CLIC6: variants seen among roughly 807,000 people sequenced by gnomAD.
The protein encoded by CLIC6 is CLIC family member 6.
CLIC6 carries 39 observed loss-of-function variants against 49.2 expected under a neutral mutation model. The ratio of observed to expected loss-of-function variants is 0.79; its 90% CI spans 0.61 to 1.04. The LOEUF (loss-of-function observed/expected upper bound fraction) is 1.04, where lower values mean the gene tolerates loss of function less well. Among genes scored for constraint, CLIC6 ranks in the 50% least tolerant of loss-of-function variants. The pLI is 0.00. For synonymous variants in CLIC6, 446 were observed against 433.4 expected (o/e 1.03, Z -0.36); for missense variants, 988 against 993.1 (o/e 0.99, Z 0.07).
In CLIC6 at chr21:34,716,398, T is replaced by G. The variant is rs1384131891; in HGVS notation, c.1977T>G (p.Tyr659Ter). The G allele has an allele frequency of 6.2e-7, 1 of 1,613,782 alleles. No individual in the cohort carries two copies. Among genetic ancestry groups the G allele is most frequent in the Non-Finnish European group, 8.5e-7 (1 of 1,179,766 alleles). The change falls in exon 6 of 6, where the codon TAT becomes TAG. Residue 659 changes from tyrosine (Y) to a stop codon, truncating the protein, a stop_gained. Transcript: ENST00000349499. LOFTEE classifies it high-confidence loss of function. ...TGIWRYLNNA[Y>*]ARDEFTNTCP... ...TCTGGAGATACTTGAATAATGCTTA[T>G]GCTAGAGATGAGTTCACAAATACGT... is the stretch of plus-strand genomic sequence containing the variant.
chr21:34,678,457 G>C (rs531627229), intron 1 of CLIC6, among the ~76,000 whole-genome samples: 1 of 151,548 alleles, frequency 6.6e-6, no homozygotes, highest in African/African-American at 2.4e-5. Flanking sequence ...AAAGTTTACC[G>C]ATTCCTAGCT....
At chr21:34,704,954 T>A (rs1442104359) in intron 1 of CLIC6, among the ~76,000 whole-genome samples, 1 of 152,134 alleles carries the variant, frequency 6.6e-6, no homozygotes, top group African/African-American at 2.4e-5. Flanking sequence ...CTAGGGGTGC[T>A]TGAACAAGAT....
At chr21:34,683,607 G>A (rs1433503999) in intron 1 of CLIC6, among the ~76,000 whole-genome samples, 4 of 152,190 alleles carry the variant, frequency 2.6e-5, no homozygotes, top group Admixed American at 2.6e-4. Context: ...GAGGGATGTG[G>A]TGGGAAGTGA....
At chr21:34,683,525 G>A (rs1417278272) in intron 1 of CLIC6, among the ~76,000 whole-genome samples, 2 of 152,148 alleles carry the variant, frequency 1.3e-5, no homozygotes, top group Admixed American at 6.5e-5. Flanking sequence ...TTACGGAGTG[G>A]GAGGGTGATA....
At chr21:34,705,953 C>G (rs1195168321) in intron 1 of CLIC6, 1 of 606,904 alleles carries the variant, frequency 1.6e-6, no homozygotes, top group Non-Finnish European at 3.0e-6. Context: ...AGGCCCCATG[C>G]AGCAGGACCC....
At chr21:34,674,448 T>C (rs1989625657) in intron 1 of CLIC6, among the ~76,000 whole-genome samples, 1 of 152,356 alleles carries the variant, frequency 6.6e-6, no homozygotes. Flanking sequence ...CAGAAAGTCA[T>C]GGCTAACTAT....
At chr21:34,712,626 C>T (rs529764963) in intron 5 of CLIC6, among the ~76,000 whole-genome samples, 15 of 152,204 alleles carry the variant, frequency 9.9e-5, no homozygotes, top group East Asian at 1.9e-4. Flanking sequence ...CACACAGAGA[C>T]GCCATCTTTC....
chr21:34,713,734 A>T (rs2056070742), intron 5 of CLIC6, among the ~76,000 whole-genome samples: 1 of 152,236 alleles, frequency 6.6e-6, no homozygotes, highest in Non-Finnish European at 1.5e-5. Flanking sequence ...GAACTAAAGG[A>T]TGACCTGAAT....
chr21:34,701,082 C>T (rs1331049840), intron 1 of CLIC6, among the ~76,000 whole-genome samples: 1 of 139,640 alleles, frequency 7.2e-6, no homozygotes, highest in Non-Finnish European at 1.6e-5. Context: ...GCGGGTGGAT[C>T]ATGAGGTCAG....
rs113310029 is a variant in CLIC6 at position 34,713,338 on chromosome 21, CA to C, written c.1900-2978del. Among the ~76,000 whole-genome samples, 5 of 152,024 alleles carry C rather than the reference CA, an allele frequency of 3.3e-5. 1 individual carries two copies. The highest frequency in any genetic ancestry group is 9.7e-5 in the African/African-American group (4 of 41,434). ...TCTCAAAGACAAGACACAAGATGTT[CA>C]AAAATATATTATCACAAAGGGGATG... On this transcript the variant is annotated intron_variant, in intron 5 of 5. Coordinates refer to ENST00000349499, the MANE Select transcript of CLIC6 (RefSeq NM_053277.3).
chr21:34,678,314 T>C (rs926950972), intron 1 of CLIC6, among the ~76,000 whole-genome samples: 41 of 150,320 alleles, frequency 2.7e-4, no homozygotes, highest in African/African-American at 9.5e-4. Flanking sequence ...TGGTGGCGTG[T>C]GCCTGTAGTC....
intron 3 of CLIC6, 81 bp from the exon 4 acceptor site, chr21:34,708,619 A>G: frequency 3.2e-6 from 3 of 933,138 alleles, no homozygotes; most frequent in Non-Finnish European, 3.4e-6. Context: ...TGCCCAGAGA[A>G]AGCTGTTTTT....
chr21:34,686,233 C>T (rs2145804369), intron 1 of CLIC6, among the ~76,000 whole-genome samples: 1 of 152,282 alleles, frequency 6.6e-6, no homozygotes, highest in African/African-American at 2.4e-5. Context: ...GAAACCCTGT[C>T]TCTACTAAAA....
chr21:34,684,086 C>CTTTT (rs71950500), intron 1 of CLIC6, among the ~76,000 whole-genome samples: 16 of 142,924 alleles, frequency 1.1e-4, no homozygotes, highest in African/African-American at 4.1e-4. Flanking sequence ...GTAAACGCTG[C>CTTTT]TTTTTTTTTT....
chr21:34,682,228 C>T (rs1465808615), intron 1 of CLIC6, among the ~76,000 whole-genome samples: 1 of 152,162 alleles, frequency 6.6e-6, no homozygotes, highest in Non-Finnish European at 1.5e-5. Context: ...ATAACCATTA[C>T]CAAATTTCCT....
chr21:34,685,770 A>G (rs1349125610), intron 1 of CLIC6, among the ~76,000 whole-genome samples: 2 of 152,232 alleles, frequency 1.3e-5, no homozygotes, highest in Non-Finnish European at 2.9e-5. Flanking sequence ...GCTTTGAATC[A>G]TAAATAACAG....
At chr21:34,678,298 C>T (rs972519356) in intron 1 of CLIC6, among the ~76,000 whole-genome samples, 6 of 151,142 alleles carry the variant, frequency 4.0e-5, no homozygotes, top group Admixed American at 3.3e-4. Flanking sequence ...AAAAGTCACC[C>T]GGGCGTGGTG....
At chr21:34,689,877 T>TC (rs1187250492) in intron 1 of CLIC6, among the ~76,000 whole-genome samples, 2 of 152,230 alleles carry the variant, frequency 1.3e-5, no homozygotes, top group Non-Finnish European at 2.9e-5. Context: ...CATTTTTGAT[T>TC]CACCCCAACA....
In CLIC6 at chr21:34,669,679, A is replaced by G. The variant is rs7280973; in HGVS notation, c.291A>G (p.Gln97=). The G allele has an allele frequency of 1, 1,349,286 of 1,349,294 alleles. 674,639 individuals are homozygous for G. The highest frequency in any genetic ancestry group is 1 in the Middle Eastern group (3,586 of 3,586). The allele number at this position is 1,349,294 out of a possible 1,614,324, so 83.6% of individuals were successfully genotyped here. The change falls in exon 1 of 6, where the codon CAA becomes CAG. Residue 97 remains glutamine (Q), a synonymous_variant. Transcript: ENST00000349499. The part of the protein sequence containing the change: ...EGAPEGAEVP[Q]GGEETSGAQQ... Reference sequence around the variant, plus strand: ...CCCCGGAGGGTGCCGAGGTGCCCCAAGGAGGGGAGGAGACAAGCGGCGCGC... The same window carrying G: ...CCCCGGAGGGTGCCGAGGTGCCCCAGGGAGGGGAGGAGACAAGCGGCGCGC...
Sources: gnomAD v4.1 joint callset for allele counts (sites outside exome capture counted in the v4.1 genomes callset) on GRCh38, gnomAD v4.1.1 for gene constraint, MANE v1.5 for transcripts, NCBI Gene and HGNC (gene_info 2026-07-23, HGNC 2026-07-21) for gene names.